The following LRRC63 variants were observed in gnomAD, a reference collection of about 807,000 sequenced individuals.
LRRC63 encodes the protein leucine rich repeat containing 63.
In LRRC63, 40 loss-of-function variants were observed where a neutral mutation model predicts 49.5. That is an observed-to-expected ratio of 0.81 (90% CI 0.63 to 1.05). The LOEUF is 1.05. LRRC63 is among the 50% of genes least tolerant of loss of function. The pLI, the probability that LRRC63 is intolerant of heterozygous loss-of-function variation, is 0.00. For missense variants in LRRC63, 636 were observed against 663.1 expected (o/e 0.96, Z 0.45); for synonymous variants, 191 against 221.1 (o/e 0.86, Z 1.21).
At chr13:46,237,348 G>A (rs553399631) in intron 5 of LRRC63, among the ~76,000 whole-genome samples, 1 of 152,262 alleles carries the variant, frequency 6.6e-6, no homozygotes, top group African/African-American at 2.4e-5. Context: ...AACACAAGGT[G>A]TGAACTATAA....
intron 9 of LRRC63, among the ~76,000 whole-genome samples, chr13:46,273,678 G>A (rs1678451560): frequency 6.6e-6 from 1 of 151,728 alleles, no homozygotes; most frequent in East Asian, 1.9e-4. Context: ...TTTGGGAGGT[G>A]GAAGAGGCTG....
intron 5 of LRRC63, among the ~76,000 whole-genome samples, chr13:46,245,104 A>G (rs2138498777): frequency 6.6e-6 from 1 of 152,342 alleles, no homozygotes; most frequent in East Asian, 1.9e-4. Flanking sequence ...TACCAAGTAT[A>G]GAGAAAAGTT....
intron 9 of LRRC63, among the ~76,000 whole-genome samples, chr13:46,271,121 T>C (rs1051402214): frequency 1.9e-4 from 29 of 152,190 alleles, no homozygotes; most frequent in Non-Finnish European, 3.8e-4. Context: ...ACTTTTCATA[T>C]ACTCAGTTTC....
chr13:46,249,711 A>G (rs1384574289), intron 6 of LRRC63, among the ~76,000 whole-genome samples: 1 of 151,924 alleles, frequency 6.6e-6, no homozygotes, highest in Non-Finnish European at 1.5e-5. Context: ...TACTCCACCA[A>G]TTTTGGACCT....
intron 2 of LRRC63, among the ~76,000 whole-genome samples, chr13:46,221,555 G>A (rs2046408260): frequency 6.6e-6 from 1 of 152,208 alleles, no homozygotes; most frequent in Non-Finnish European, 1.5e-5. Flanking sequence ...CGATGGCAGT[G>A]ATAATCAGGG....
chr13:46,221,847 C>T (rs1485592461), intron 2 of LRRC63, among the ~76,000 whole-genome samples: 1 of 152,112 alleles, frequency 6.6e-6, no homozygotes, highest in Non-Finnish European at 1.5e-5. Context: ...AGGCCTTGGA[C>T]GTTTTCAATA....
chr13:46,270,283 G>C (rs1490008492), intron 9 of LRRC63: 1 of 846,184 alleles, frequency 1.2e-6, no homozygotes, highest in African/African-American at 1.7e-5. Flanking sequence ...TTCCCTGTCA[G>C]ATCAGTCCCA....
chr13:46,215,950 G>A (rs181981205), intron 2 of LRRC63, among the ~76,000 whole-genome samples: 8 of 152,202 alleles, frequency 5.3e-5, no homozygotes, highest in Admixed American at 2.0e-4. Context: ...TATTTCTGAG[G>A]TCTCTGTTCT....
intron 2 of LRRC63, among the ~76,000 whole-genome samples, chr13:46,220,478 C>A (rs3940003): frequency 6.6e-6 from 1 of 151,876 alleles, no homozygotes; most frequent in Non-Finnish European, 1.5e-5. Flanking sequence ...TGTCCCAGGT[C>A]GACTTCAGAC....
intron 5 of LRRC63, among the ~76,000 whole-genome samples, chr13:46,245,875 T>A (rs1240297136): frequency 3.3e-5 from 5 of 152,218 alleles, no homozygotes; most frequent in Non-Finnish European, 7.3e-5. Flanking sequence ...TTGAAATAAT[T>A]CTGTCACACG....
At chr13:46,221,016 C>T (rs771563551) in intron 2 of LRRC63, among the ~76,000 whole-genome samples, 4 of 152,256 alleles carry the variant, frequency 2.6e-5, no homozygotes, top group South Asian at 4.1e-4. Flanking sequence ...CTTACTCCTA[C>T]GCACCACTTA....
At chr13:46,257,189 T>C (rs1281533187) in intron 7 of LRRC63, among the ~76,000 whole-genome samples, 2 of 152,122 alleles carry the variant, frequency 1.3e-5, no homozygotes, top group African/African-American at 2.4e-5. Context: ...AACCTGGGAA[T>C]GGCCTTCAGC....
At position 46,221,530 on chromosome 13, in the gene LRRC63, C is replaced by T. The variant is rs146088437; in HGVS notation, c.86-5982C>T. Among the ~76,000 whole-genome samples the T allele has an allele frequency of 3.1e-4, 47 of 152,278 alleles. No individual in the cohort carries two copies. In the East Asian group the frequency reaches 8.3e-3, roughly 27 times the overall value. On this transcript the variant is annotated intron_variant, in intron 2 of 9. Coordinates refer to ENST00000595396, the Ensembl canonical transcript of LRRC63. ...TATCAGAAAACCAATGGGAAATTAA[C>T]TCTGAAGACTAGGACGATGGCAGTG...
At chr13:46,251,355 A>G (rs894400413) in intron 7 of LRRC63, among the ~76,000 whole-genome samples, 1 of 151,930 alleles carries the variant, frequency 6.6e-6, no homozygotes, top group African/African-American at 2.4e-5. Flanking sequence ...ATGCATATAC[A>G]TATCACACAT....
intron 5 of LRRC63, among the ~76,000 whole-genome samples, chr13:46,242,006 GAC>G (rs1451264661): frequency 2.6e-5 from 4 of 152,052 alleles, no homozygotes; most frequent in African/African-American, 7.2e-5. Context: ...CTATTATAGG[GAC>G]ACATGCGTAT....
chr13:46,258,807 C>CAAAAA (rs11451920), intron 7 of LRRC63, among the ~76,000 whole-genome samples: 3 of 89,996 alleles, frequency 3.3e-5, no homozygotes, highest in African/African-American at 1.2e-4. Context: ...GACTCTGTCT[C>CAAAAA]AAAAAAAAAA....
intron 7 of LRRC63, among the ~76,000 whole-genome samples, chr13:46,258,384 C>T (rs1177877623): frequency 4.6e-5 from 7 of 151,080 alleles, no homozygotes; most frequent in Non-Finnish European, 3.0e-5. Context: ...CCACCTCGGC[C>T]TCCCAAAGTG....
At chr13:46,243,425 A>G (rs2047121009) in intron 5 of LRRC63, among the ~76,000 whole-genome samples, 1 of 152,230 alleles carries the variant, frequency 6.6e-6, no homozygotes, top group African/African-American at 2.4e-5. Context: ...TAACAAAATG[A>G]CAATAGGAAA....
chr13:46,218,236 A>C (rs981451898), intron 2 of LRRC63, among the ~76,000 whole-genome samples: 1 of 152,204 alleles, frequency 6.6e-6, no homozygotes, highest in African/African-American at 2.4e-5. Context: ...GTGGGAGTCT[A>C]AGTCTCTTTG....
Sources: allele counts gnomAD v4.1 joint callset (sites outside exome capture counted in the v4.1 genomes callset), GRCh38; gene constraint gnomAD v4.1.1; transcripts MANE v1.5; gene names NCBI Gene and HGNC (gene_info 2026-07-23, HGNC 2026-07-21).